RIMS3: variants seen among roughly 807,000 people sequenced by gnomAD.
RIMS3 encodes the protein regulating synaptic membrane exocytosis protein 3.
In RIMS3, 15 loss-of-function variants were observed where a neutral mutation model predicts 29.2. The ratio of observed to expected loss-of-function variants is 0.51; its 90% CI spans 0.34 to 0.79. The LOEUF (loss-of-function observed/expected upper bound fraction) is 0.79, where lower values mean the gene tolerates loss of function less well. RIMS3 is among the 30% of genes least tolerant of loss of function. The pLI, the probability that RIMS3 is intolerant of heterozygous loss-of-function variation, is 0.01. For missense variants in RIMS3, 342 were observed against 421.4 expected, an observed-to-expected ratio of 0.81 and a Z score of 1.65; for synonymous variants, 161 against 170.1, an observed-to-expected ratio of 0.95 and a Z score of 0.41.
chr1:40,677,357 T>C, the RIMS3 span, among the ~76,000 whole-genome samples: 1 of 151,748 alleles, frequency 6.6e-6, no homozygotes, highest in African/African-American at 2.4e-5. Flanking sequence ...TTGCCCAAGG[T>C]CACAAAGCAG....
chr1:40,624,146 C>T lies in RIMS3; in HGVS notation c.*2371G>A, dbSNP rs1353479793. 6.6e-6 allele frequency: 1 copy of T among 152,296 alleles called. No homozygotes were observed. Among genetic ancestry groups the T allele is most frequent in the Non-Finnish European group, 1.5e-5 (1 of 68,136 alleles). The allele number at this position is 152,296 out of a possible 1,614,324, so 9.4% of individuals were successfully genotyped here. A position where few individuals can be genotyped will look rare whatever the true frequency, so the allele number is the denominator to read the frequency against. On this transcript the variant is annotated 3_prime_UTR_variant, in exon 8 of 8. Coordinates refer to ENST00000372684, the MANE Select transcript of RIMS3 (RefSeq NM_014747.3). ...CTGGAACCCCCAGTGGCAGGCCTCT[C>T]TGCAGGCAGCTCCCCACCAGAGGAA...
At chr1:40,643,351 T>C (rs1186325762) in intron 2 of RIMS3, among the ~76,000 whole-genome samples, 2 of 152,242 alleles carry the variant, frequency 1.3e-5, no homozygotes, top group Admixed American at 1.3e-4. Flanking sequence ...AAGGCTGGTC[T>C]CGAACTCCTG....
chr1:40,675,450 T>C, the RIMS3 span, among the ~76,000 whole-genome samples: 1 of 151,980 alleles, frequency 6.6e-6, no homozygotes, highest in East Asian at 1.9e-4. Context: ...GGCAAAGCCC[T>C]GTCTCTACAA....
At chr1:40,659,157 C>T (rs954583325) in intron 1 of RIMS3, among the ~76,000 whole-genome samples, 4 of 152,050 alleles carry the variant, frequency 2.6e-5, no homozygotes, top group South Asian at 4.2e-4. Context: ...AGGACATTCT[C>T]CATGGAGACA....
chr1:40,672,051 C>A, the RIMS3 span, among the ~76,000 whole-genome samples: 1 of 152,066 alleles, frequency 6.6e-6, no homozygotes, highest in East Asian at 1.9e-4. Context: ...AGCCACCGTG[C>A]CCAGCCTCCC....
chr1:40,650,774 G>T (rs569510635), intron 1 of RIMS3, among the ~76,000 whole-genome samples: 18 of 149,526 alleles, frequency 1.2e-4, no homozygotes, highest in Non-Finnish European at 2.1e-4. Context: ...GCTGAGGTGG[G>T]AGGATGGCTT....
chr1:40,631,664 C>T (rs966649588), intron 5 of RIMS3, among the ~76,000 whole-genome samples: 1 of 151,084 alleles, frequency 6.6e-6, no homozygotes, highest in African/African-American at 2.4e-5. Context: ...GGTGACAGAG[C>T]GAGGCTCTGT....
At chr1:40,690,674 G>C in the RIMS3 span, 1 of 152,164 alleles carries the variant, frequency 6.6e-6, no homozygotes, top group Non-Finnish European at 1.5e-5. Flanking sequence ...AATTCAAGTC[G>C]AGGGTTTACT....
intron 7 of RIMS3, among the ~76,000 whole-genome samples, chr1:40,627,175 C>T (rs556041848): frequency 2.8e-4 from 42 of 152,274 alleles, no homozygotes; most frequent in Admixed American, 5.9e-4. Context: ...GCTGGCTTGC[C>T]GTGGGACTTG....
rs1570169934 is a variant in RIMS3, at chr1:40,629,040, G to A, written c.575-91C>T. On this transcript the variant is annotated intron_variant, in intron 6 of 7. Coordinates refer to ENST00000372684, the MANE Select transcript of RIMS3 (RefSeq NM_014747.3). ...CTAACTGCCAGGTGATCTTGGAGGT[G>A]AGCAGGATGTGTGGAATGAGCCAGC... 9 of 1,527,612 alleles carry A rather than the reference G, an allele frequency of 5.9e-6. No homozygotes were observed. The South Asian group carries it at 7.9e-5, about 13-fold the overall frequency. The allele number at this position is 1,527,612 out of a possible 1,614,324, so 94.6% of individuals were successfully genotyped here. A position where few individuals can be genotyped will look rare whatever the true frequency, so the allele number is the denominator to read the frequency against.
chr1:40,691,653 A>G, the RIMS3 span: 10 of 443,094 alleles, frequency 2.3e-5, no homozygotes, highest in African/African-American at 1.6e-4. Context: ...GCACCGCACG[A>G]TACTGGGAGT....
intron 5 of RIMS3, 104 bp from the exon 6 acceptor site, chr1:40,629,476 A>T: frequency 1.0e-6 from 1 of 957,202 alleles, no homozygotes; most frequent in South Asian, 1.3e-5. Context: ...CATCATCACT[A>T]GAAAGGGAAC....
intron 1 of RIMS3, among the ~76,000 whole-genome samples, chr1:40,651,816 A>G (rs1415675827): frequency 5.9e-5 from 9 of 152,270 alleles, no homozygotes; most frequent in Non-Finnish European, 1.3e-4. Context: ...TTACTACTTA[A>G]GAAACTGTAT....
rs1352339926 is a variant in RIMS3 at position 40,623,682 on chromosome 1, G to A, written c.*2835C>T. ...CTTCCCCACCCCCCGTCCTCAAACA[G>A]CAGATGCTCCCCCACCCCAGCAAAC... On this transcript the variant is annotated 3_prime_UTR_variant, in exon 8 of 8. Coordinates refer to ENST00000372684, the MANE Select transcript of RIMS3 (RefSeq NM_014747.3). The A allele has an allele frequency of 2.2e-5, 8 of 369,986 alleles. No individual in the cohort carries two copies. The highest frequency in any genetic ancestry group is 5.1e-5 in the African/African-American group (2 of 39,080). The allele number at this position is 369,986 out of a possible 1,614,324, so 22.9% of individuals were successfully genotyped here.
intron 4 of RIMS3, among the ~76,000 whole-genome samples, chr1:40,634,877 G>A (rs181559822): frequency 0.01 from 1,571 of 151,268 alleles, 22 homozygotes; most frequent in African/African-American, 0.036. Context: ...GGAGGTGGAG[G>A]TTGTGGTGAG....
the RIMS3 span, among the ~76,000 whole-genome samples, chr1:40,683,036 G>A: frequency 6.6e-6 from 1 of 152,006 alleles, no homozygotes; most frequent in Non-Finnish European, 1.5e-5. Context: ...AACTTTTGCA[G>A]ATCTTTTGTC....
At chr1:40,677,334 T>C in the RIMS3 span, among the ~76,000 whole-genome samples, 1 of 151,792 alleles carries the variant, frequency 6.6e-6, no homozygotes, top group East Asian at 1.9e-4. Context: ...GAGATTGAAC[T>C]TGATTAAGTG....
rs532576801 is a variant in RIMS3 at position 40,645,170 on chromosome 1, G to A, written c.-32+2498C>T. Reference sequence around the variant, plus strand: ...TAATGGAAAGTCCCCCTGGACTGGGGCCTATGATGATCTCTTCGAGTTTCC... The same window carrying A: ...TAATGGAAAGTCCCCCTGGACTGGGACCTATGATGATCTCTTCGAGTTTCC... On this transcript the variant is annotated intron_variant, in intron 2 of 7. Coordinates refer to ENST00000372684, the MANE Select transcript of RIMS3 (RefSeq NM_014747.3). 2.6e-5 allele frequency among the ~76,000 whole-genome samples: 4 copies of A among 152,298 alleles called. No individual in the cohort carries two copies. The South Asian group carries it at 8.3e-4, about 32-fold the overall frequency.
At chr1:40,683,909 A>G in the RIMS3 span, among the ~76,000 whole-genome samples, 3 of 152,156 alleles carry the variant, frequency 2.0e-5, no homozygotes, top group Non-Finnish European at 4.4e-5. Context: ...CTTTACTCCT[A>G]CTTTTCTGAG....
Sources: gnomAD v4.1 joint callset for allele counts (sites outside exome capture counted in the v4.1 genomes callset) on GRCh38, gnomAD v4.1.1 for gene constraint, MANE v1.5 for transcripts, NCBI Gene and HGNC (gene_info 2026-07-23, HGNC 2026-07-21) for gene names.